The following MPHOSPH8 variants were observed in gnomAD, a reference collection of about 807,000 sequenced individuals.
MPHOSPH8 encodes M-phase phosphoprotein 8, also known as M-phase phosphoprotein, mpp.
A neutral mutation model predicts 87.3 loss-of-function variants in MPHOSPH8; 45 were observed. The observed-to-expected ratio is 0.52, with a 90% CI of 0.41 to 0.66. The LOEUF is 0.66. Ranked by LOEUF, MPHOSPH8 falls within the 30% of genes least tolerant of loss-of-function variation. The pLI is 0.00. For missense variants in MPHOSPH8, 883 were observed against 1,020.2 expected (o/e 0.87, Z 1.83); for synonymous variants, 366 against 376.9 (o/e 0.97, Z 0.33).
Position 19,668,551 on chromosome 13 carries a change from C to T in MPHOSPH8, c.2329+20C>T. 6.2e-7 allele frequency: 1 copy of T among 1,603,654 alleles called. No homozygotes were observed. The highest frequency in any genetic ancestry group is 8.5e-7 in the Non-Finnish European group (1 of 1,175,052). On this transcript the variant is annotated intron_variant, in intron 11 of 13. Coordinates refer to ENST00000361479, the MANE Select transcript of MPHOSPH8 (RefSeq NM_017520.4). ...CAGAAGGTAAGCCGATGCCTCCCTT[C>T]ACACTTTTCTATGTGAAGTGTGACA... is the stretch of plus-strand genomic sequence containing the variant.
chr13:19,642,316 T>C (rs749026466), intron 2 of MPHOSPH8, 46 bp downstream of exon 2: 83 of 1,443,782 alleles, frequency 5.7e-5, no homozygotes, highest in Non-Finnish European at 7.4e-5. Flanking sequence ...ATAAATTTAT[T>C]GTAAATTTTA....
At chr13:19,636,108 C>T (rs773205649) in intron 1 of MPHOSPH8, among the ~76,000 whole-genome samples, 7 of 152,316 alleles carry the variant, frequency 4.6e-5, no homozygotes, top group Non-Finnish European at 5.9e-5. Flanking sequence ...TACCCAGTCT[C>T]AGGTATTTCT....
intron 5 of MPHOSPH8, among the ~76,000 whole-genome samples, chr13:19,653,894 AAT>A (rs1875000885): frequency 6.6e-6 from 1 of 152,214 alleles, no homozygotes; most frequent in African/African-American, 2.4e-5. Context: ...GCCTCCAAGA[AAT>A]ATGGAACTAT....
At chr13:19,658,474 G>GT (rs1565940552) in intron 5 of MPHOSPH8, among the ~76,000 whole-genome samples, 2 of 152,170 alleles carry the variant, frequency 1.3e-5, no homozygotes, top group African/African-American at 4.8e-5. Flanking sequence ...ATACCTCACG[G>GT]GGGTGGGTGT....
Position 19,634,901 on chromosome 13 carries a change from T to C in MPHOSPH8, c.213+940T>C, listed in dbSNP as rs1192904619. Reference sequence around the variant, plus strand: ...TGTCTGTTATTTCCCATTGGTCATATGCTGCCTTGTGTCAATTTTTTGCGC... The same window carrying C: ...TGTCTGTTATTTCCCATTGGTCATACGCTGCCTTGTGTCAATTTTTTGCGC... On this transcript the variant is annotated intron_variant, in intron 1 of 13. Transcript: ENST00000361479. 2.0e-5 allele frequency among the ~76,000 whole-genome samples: 3 copies of C among 152,226 alleles called. No homozygotes were observed. In the East Asian group the frequency reaches 5.8e-4, roughly 29 times the overall value.
At chr13:19,635,865 T>TG (rs1223002317) in intron 1 of MPHOSPH8, among the ~76,000 whole-genome samples, 1 of 152,142 alleles carries the variant, frequency 6.6e-6, no homozygotes, top group African/African-American at 2.4e-5. Context: ...CGCGACCAGG[T>TG]GGAGGTAGGA....
chr13:19,647,072 G>C lies in MPHOSPH8; in HGVS notation c.999G>C (p.Lys333Asn). 6.2e-7 allele frequency: 1 copy of C among 1,606,960 alleles called. No homozygotes were observed. The highest frequency in any genetic ancestry group is 1.1e-5 in the South Asian group (1 of 90,852). The change falls in exon 3 of 14, where the codon AAG (lysine) becomes AAC (asparagine). Residue 333 changes from lysine to asparagine, a missense_variant. Lys to Asn is a moderately conservative substitution (Grantham distance 94). Transcript: ENST00000361479. ...DTDVRGRRKK[K>N]TPRKAEDTRE... ...ATGTCAGAGGCAGGAGGAAAAAGAAGACCCCGAGAAAGGCTGAGGACACTA... is the reference window on the plus strand; with the variant it reads ...ATGTCAGAGGCAGGAGGAAAAAGAACACCCCGAGAAAGGCTGAGGACACTA...
At position 19,670,126 on chromosome 13, in the gene MPHOSPH8, G is replaced by C; in HGVS notation, c.2330-110G>C. On this transcript the variant is annotated intron_variant, in intron 11 of 13. Coordinates refer to ENST00000361479, the MANE Select transcript of MPHOSPH8 (RefSeq NM_017520.4). ...TGAGCCTCCAGGCAGAGTGGGTGAT[G>C]CCTGTCTGACCAGGCCCAGCTCAGG... 4 of 1,319,984 alleles carry C rather than the reference G, an allele frequency of 3.0e-6. No homozygotes were observed. In the South Asian group the frequency reaches 4.1e-5, roughly 14 times the overall value. The allele number at this position is 1,319,984 out of a possible 1,614,324, so 81.8% of individuals were successfully genotyped here.
intron 5 of MPHOSPH8, among the ~76,000 whole-genome samples, chr13:19,652,513 C>T (rs9579591): frequency 0.11 from 16,217 of 152,138 alleles, 1,062 homozygotes; most frequent in African/African-American, 0.18. Flanking sequence ...CTGTTTGGGC[C>T]GACACTGAGC....
At chr13:19,663,607 G>T (rs989149339) in intron 9 of MPHOSPH8, among the ~76,000 whole-genome samples, 1 of 152,190 alleles carries the variant, frequency 6.6e-6, no homozygotes, top group Non-Finnish European at 1.5e-5. Context: ...CTGTGTTCTG[G>T]AACGTGGTTT....
At chr13:19,661,643 C>T in intron 7 of MPHOSPH8, 55 bp from the exon 8 acceptor site, 1 of 1,510,226 alleles carries the variant, frequency 6.6e-7, no homozygotes, top group Non-Finnish European at 8.9e-7. Context: ...AGACTTGGTT[C>T]TGAAATTGTT....
chr13:19,633,705 T>A lies in MPHOSPH8; in HGVS notation c.-44T>A. The A allele has an allele frequency of 1.9e-6, 3 of 1,550,904 alleles. No individual in the cohort carries two copies. Among genetic ancestry groups the A allele is most frequent in the Non-Finnish European group, 2.6e-6 (3 of 1,145,764 alleles). ...CGGAACGCGAGGGGCTGCTGGGGTG[T>A]TTGTCGCAGCGGGTTTTCCTCGGCG... On this transcript the variant is annotated 5_prime_UTR_variant, in exon 1 of 14. Transcript: ENST00000361479.
intron 8 of MPHOSPH8, among the ~76,000 whole-genome samples, chr13:19,662,768 A>G (rs1223843226): frequency 6.6e-6 from 1 of 152,230 alleles, no homozygotes; most frequent in Non-Finnish European, 1.5e-5. Context: ...AAATGTTTCC[A>G]TATATTATCT....
At chr13:19,652,164 G>T (rs568723045) in intron 5 of MPHOSPH8, among the ~76,000 whole-genome samples, 27 of 152,162 alleles carry the variant, frequency 1.8e-4, no homozygotes, top group Non-Finnish European at 3.4e-4. Context: ...GAACAGCTCC[G>T]TTCCGCAATT....
At chr13:19,636,546 A>G (rs1874019621) in intron 1 of MPHOSPH8, among the ~76,000 whole-genome samples, 1 of 151,398 alleles carries the variant, frequency 6.6e-6, no homozygotes, top group Admixed American at 6.6e-5. Context: ...TGGCATAATC[A>G]TGGCTCTCTG....
intron 1 of MPHOSPH8, among the ~76,000 whole-genome samples, chr13:19,639,977 C>T (rs1356793590): frequency 6.6e-6 from 1 of 152,004 alleles, no homozygotes; most frequent in African/African-American, 2.4e-5. Context: ...ATGGTGGTGC[C>T]CACCTGTAAT....
chr13:19,669,513 C>CTTTT (rs56315114), intron 11 of MPHOSPH8, among the ~76,000 whole-genome samples: 2 of 133,492 alleles, frequency 1.5e-5, no homozygotes, highest in Non-Finnish European at 1.6e-5. Flanking sequence ...CATCCACCAA[C>CTTTT]TTTTTTTTTT....
chr13:19,667,188 A>G (rs1411680950), intron 10 of MPHOSPH8, among the ~76,000 whole-genome samples: 1 of 152,136 alleles, frequency 6.6e-6, no homozygotes, highest in Admixed American at 6.5e-5. Flanking sequence ...AAAAAGAAAG[A>G]AACTTTAAAC....
At chr13:19,640,571 A>G (rs1206564740) in intron 1 of MPHOSPH8, among the ~76,000 whole-genome samples, 2 of 150,044 alleles carry the variant, frequency 1.3e-5, no homozygotes, top group Non-Finnish European at 3.0e-5. Flanking sequence ...GGATTTCACT[A>G]TGTTGCCCAG....
Sources: gnomAD v4.1 joint callset for allele counts (sites outside exome capture counted in the v4.1 genomes callset) on GRCh38, gnomAD v4.1.1 for gene constraint, MANE v1.5 for transcripts, NCBI Gene and HGNC (gene_info 2026-07-23, HGNC 2026-07-21) for gene names.